CBFA2T3: variants seen among roughly 807,000 people sequenced by gnomAD.
CBFA2T3 encodes the protein CBFA2/RUNX1 partner transcriptional co-repressor 3.
CBFA2T3 carries 31 observed loss-of-function variants against 58.6 expected under a neutral mutation model. The ratio of observed to expected loss-of-function variants is 0.53; its 90% confidence interval spans 0.40 to 0.71. The LOEUF (loss-of-function observed/expected upper bound fraction) is 0.71, where lower values mean the gene tolerates loss of function less well. Among genes scored for constraint, CBFA2T3 ranks in the 30% least tolerant of loss-of-function variants. The probability of loss-of-function intolerance (pLI) is 0.00; values close to 1 mark genes in which losing one functional copy is unlikely to be tolerated. For synonymous variants in CBFA2T3, 531 were observed against 421.9 expected, an observed-to-expected ratio of 1.26 and a Z score of -3.17; for missense variants, 1,076 against 963.1, an observed-to-expected ratio of 1.12 and a Z score of -1.55.
intron 1 of CBFA2T3, among the ~76,000 whole-genome samples, chr16:88,908,909 C>T (rs1970429910): frequency 6.6e-6 from 1 of 152,246 alleles, no homozygotes; most frequent in African/African-American, 2.4e-5. Flanking sequence ...TCATTTCGTG[C>T]CCCCGAAAGT....
Position 88,892,026 on chromosome 16 carries a change from C to A in CBFA2T3, c.622-55G>T. 6.0e-6 allele frequency: 9 copies of A among 1,488,144 alleles called. No homozygotes were observed. In the South Asian group the frequency reaches 8.0e-5, roughly 13 times the overall value. 92.2% of individuals were successfully genotyped at this position (1,488,144 alleles called of 1,614,324 possible). A position where few individuals can be genotyped will look rare whatever the true frequency, so the allele number is the denominator to read the frequency against. On this transcript the variant is annotated intron_variant, in intron 4 of 11. Transcript: ENST00000268679. ...GCACCGCTCGGCATGTGAGCCAGCG[C>A]CGACCCACCCATGCCTGAGGAGGAG...
intron 3 of CBFA2T3, among the ~76,000 whole-genome samples, 183 bp downstream of exon 3, chr16:88,897,895 C>T (rs556188261): frequency 6.6e-6 from 1 of 152,218 alleles, no homozygotes; most frequent in Admixed American, 6.5e-5. Context: ...AGCGACCCGG[C>T]GGCTCTGCCC....
In CBFA2T3 at chr16:88,876,784, G is replaced by A. The variant is rs571514808; in HGVS notation, c.*192C>T. 36 of 497,952 alleles carry A rather than the reference G, an allele frequency of 7.2e-5. No homozygotes were observed. The highest frequency in any genetic ancestry group is 7.0e-4 in the South Asian group (19 of 27,258). The allele number at this position is 497,952 out of a possible 1,614,324, so 30.8% of individuals were successfully genotyped here. ...TAGCTGAGGCAGGTGCACTGAATGC[G>A]GTTTTGTTGGTTCTGTGTCTTCTTT... is the stretch of plus-strand genomic sequence containing the variant. On this transcript the variant is annotated 3_prime_UTR_variant, in exon 12 of 12. Coordinates refer to ENST00000268679, the MANE Select transcript of CBFA2T3 (RefSeq NM_005187.6).
chr16:88,897,019 G>A (rs1567589756), intron 3 of CBFA2T3, among the ~76,000 whole-genome samples: 1 of 152,244 alleles, frequency 6.6e-6, no homozygotes, highest in Non-Finnish European at 1.5e-5. Flanking sequence ...GCTGAGGATT[G>A]GGGGCACACG....
chr16:88,936,278 C>A (rs996469344), intron 1 of CBFA2T3, among the ~76,000 whole-genome samples: 1 of 152,170 alleles, frequency 6.6e-6, no homozygotes, highest in African/African-American at 2.4e-5. Flanking sequence ...TCCGGCAGGT[C>A]CCACCTGCTG....
At chr16:88,916,091 T>C (rs991889944) in intron 1 of CBFA2T3, among the ~76,000 whole-genome samples, 3 of 151,986 alleles carry the variant, frequency 2.0e-5, no homozygotes, top group African/African-American at 4.8e-5. Context: ...TGTGTATTCA[T>C]GTGTGTGCAT....
At chr16:88,884,722 G>A (rs1457145625) in intron 7 of CBFA2T3, 1 of 275,916 alleles carries the variant, frequency 3.6e-6, no homozygotes, top group South Asian at 8.8e-5. Flanking sequence ...AGGTGACAGA[G>A]GAGGAAACTG....
chr16:88,881,826 G>A (rs1969095774), intron 8 of CBFA2T3, among the ~76,000 whole-genome samples: 1 of 152,252 alleles, frequency 6.6e-6, no homozygotes, highest in East Asian at 1.9e-4. Flanking sequence ...TGAGGGCGAG[G>A]GGCGAGGCTG....
intron 1 of CBFA2T3, among the ~76,000 whole-genome samples, chr16:88,946,074 G>C (rs965632987): frequency 1.3e-5 from 2 of 152,112 alleles, no homozygotes; most frequent in Non-Finnish European, 2.9e-5. Flanking sequence ...TTGGGAGGCC[G>C]AAGGGGGCGG....
At chr16:88,925,790 T>C (rs1037206501) in intron 1 of CBFA2T3, among the ~76,000 whole-genome samples, 1 of 152,230 alleles carries the variant, frequency 6.6e-6, no homozygotes, top group African/African-American at 2.4e-5. Flanking sequence ...GAGCTGCTCC[T>C]GCTCCCCGGC....
chr16:88,924,028 C>T (rs913948447), intron 1 of CBFA2T3, among the ~76,000 whole-genome samples: 22 of 152,144 alleles, frequency 1.4e-4, no homozygotes, highest in Admixed American at 1.4e-3. Context: ...CAGCAAAGAC[C>T]GCGGGTGGAG....
At chr16:88,966,773 G>A (rs1446856473) in intron 1 of CBFA2T3, among the ~76,000 whole-genome samples, 3 of 152,158 alleles carry the variant, frequency 2.0e-5, no homozygotes, top group Non-Finnish European at 4.4e-5. Flanking sequence ...AGTGACTCCC[G>A]TGCCCTGGCC....
intron 1 of CBFA2T3, among the ~76,000 whole-genome samples, chr16:88,934,729 G>A (rs560931386): frequency 7.2e-5 from 11 of 152,356 alleles, no homozygotes; most frequent in Admixed American, 3.9e-4. Context: ...CACCCCCGAA[G>A]TTCAGAAGGA....
chr16:88,944,435 G>A (rs1443525471), intron 1 of CBFA2T3, among the ~76,000 whole-genome samples: 3 of 150,880 alleles, frequency 2.0e-5, no homozygotes, highest in African/African-American at 4.9e-5. Context: ...CTGGTGCCCC[G>A]ATCACACACC....
intron 5 of CBFA2T3, among the ~76,000 whole-genome samples, chr16:88,887,318 T>A (rs2142561771): frequency 6.6e-6 from 1 of 152,198 alleles, no homozygotes; most frequent in African/African-American, 2.4e-5. Flanking sequence ...GGAAACGAGG[T>A]CCCGGGAGGT....
chr16:88,924,654 G>A (rs538122154), intron 1 of CBFA2T3, among the ~76,000 whole-genome samples: 29 of 152,344 alleles, frequency 1.9e-4, no homozygotes, highest in Non-Finnish European at 3.7e-4. Context: ...CAGAGGCAGA[G>A]CCCCATGGCC....
In CBFA2T3 at chr16:88,953,493, T is replaced by C. The variant is rs1329398428; in HGVS notation, c.151+23164A>G. On this transcript the variant is annotated intron_variant, in intron 1 of 11. Coordinates refer to ENST00000268679, the MANE Select transcript of CBFA2T3 (RefSeq NM_005187.6). This position sits in a 1 kb window ranked among gnomAD's most constrained non-coding sequence, Gnocchi z 4.9. ...GAGCCCTCAAAATGGTCCCCACAGC[T>C]GCCGCCCACTCTTGGGACCCTGAGT... is the stretch of plus-strand genomic sequence containing the variant. Among the ~76,000 whole-genome samples, 1 of 152,156 alleles carries C rather than the reference T, an allele frequency of 6.6e-6. No homozygotes were observed. Among genetic ancestry groups the C allele is most frequent in the Non-Finnish European group, 1.5e-5 (1 of 68,032 alleles).
chr16:88,940,281 G>C (rs1448029137), intron 1 of CBFA2T3: 1 of 155,200 alleles, frequency 6.4e-6, no homozygotes. Flanking sequence ...AGTGTGTTCG[G>C]AGCCCAGCGG....
At chr16:88,971,951 T>G (rs1365748031) in intron 1 of CBFA2T3, among the ~76,000 whole-genome samples, 2 of 152,124 alleles carry the variant, frequency 1.3e-5, no homozygotes, top group African/African-American at 4.8e-5. Flanking sequence ...CCACATGTGG[T>G]GAGAAGTGAA....
Sources: gnomAD v4.1 joint callset for allele counts (sites outside exome capture counted in the v4.1 genomes callset) on GRCh38, gnomAD v4.1.1 for gene constraint, Gnocchi (gnomAD v3.1) non-coding constraint, MANE v1.5 for transcripts, NCBI Gene and HGNC (gene_info 2026-07-23, HGNC 2026-07-21) for gene names.